The following KDM4C variants were observed in gnomAD, a reference collection of about 807,000 sequenced individuals.
KDM4C encodes the protein lysine-specific demethylase 4C.
A neutral mutation model predicts 129.3 loss-of-function variants in KDM4C; 81 were observed. The observed-to-expected ratio is 0.63, with a 90% CI of 0.52 to 0.75. KDM4C has a LOEUF of 0.75. KDM4C is among the 30% of genes least tolerant of loss of function. The pLI, the probability that KDM4C is intolerant of heterozygous loss-of-function variation, is 0.00. For missense variants in KDM4C, 1,457 were observed against 1,304.0 expected (o/e 1.12, Z -1.81); for synonymous variants, 573 against 456.1 (o/e 1.26, Z -3.26).
intron 7 of KDM4C, among the ~76,000 whole-genome samples, chr9:6,890,230 G>C (rs1367617829): frequency 6.6e-6 from 1 of 152,186 alleles, no homozygotes; most frequent in Non-Finnish European, 1.5e-5. Flanking sequence ...GTTCATTCCT[G>C]ATTCAGTCGC....
intron 4 of KDM4C, among the ~76,000 whole-genome samples, chr9:6,826,544 A>C (rs940218656): frequency 1.3e-5 from 2 of 152,124 alleles, no homozygotes; most frequent in African/African-American, 4.8e-5. Context: ...CCATGATGAT[A>C]GATGTTCTTC....
chr9:6,757,366 G>A (rs1212388594), upstream of KDM4C, among the ~76,000 whole-genome samples: 1 of 152,192 alleles, frequency 6.6e-6, no homozygotes, highest in African/African-American at 2.4e-5. Flanking sequence ...CTGGGTGTAG[G>A]TGACTCAACA....
At chr9:6,801,367 G>A (rs1176280777) in intron 2 of KDM4C, among the ~76,000 whole-genome samples, 1 of 147,832 alleles carries the variant, frequency 6.8e-6, no homozygotes, top group Admixed American at 7.0e-5. Context: ...CAGAGTAGCT[G>A]GGACTACAGG....
intron 17 of KDM4C, among the ~76,000 whole-genome samples, chr9:7,050,113 A>G (rs1437578908): frequency 6.6e-6 from 1 of 151,994 alleles, no homozygotes; most frequent in Non-Finnish European, 1.5e-5. Flanking sequence ...CTCTTATAGG[A>G]ACTCACAGTC....
chr9:6,865,128 C>G lies in KDM4C; in HGVS notation c.630-14884C>G, dbSNP rs1194668302. Among the ~76,000 whole-genome samples the G allele has an allele frequency of 2.6e-5, 4 of 151,232 alleles. No homozygotes were observed. The East Asian group carries it at 7.7e-4, about 29-fold the overall frequency. ...GGTTCAAGCAATTCTCCTGCTTCAGCCTCCCGAGTAGCTGGGACTGCAGGT... is the reference window on the plus strand; with the variant it reads ...GGTTCAAGCAATTCTCCTGCTTCAGGCTCCCGAGTAGCTGGGACTGCAGGT... On this transcript the variant is annotated intron_variant, in intron 5 of 21. Transcript: ENST00000381309.
At chr9:7,048,720 A>G (rs1829751882) in intron 16 of KDM4C, among the ~76,000 whole-genome samples, 1 of 152,144 alleles carries the variant, frequency 6.6e-6, no homozygotes, top group African/African-American at 2.4e-5. Flanking sequence ...TAATTGAACT[A>G]ATCTTTTGCC....
chr9:7,109,615 A>G (rs919265326), intron 18 of KDM4C, among the ~76,000 whole-genome samples: 6 of 152,206 alleles, frequency 3.9e-5, no homozygotes, highest in African/African-American at 1.4e-4. Context: ...CAGCTAATTT[A>G]TATCAGTGGG....
In KDM4C at chr9:7,052,838, C is replaced by T. The variant is rs973019790; in HGVS notation, c.2424+3638C>T. ...AACTACCACCTCCCTTCTCTAGTGC[C>T]TAACCAGAGCTCTGGCCACACCTGC... is the stretch of plus-strand genomic sequence containing the variant. On this transcript the variant is annotated intron_variant, in intron 17 of 21. Coordinates refer to ENST00000381309, the MANE Select transcript of KDM4C (RefSeq NM_015061.6). 9.3e-5 allele frequency among the ~76,000 whole-genome samples: 11 copies of T among 118,388 alleles called. 1 individual carries two copies. The highest frequency in any genetic ancestry group is 4.1e-4 in the African/African-American group (11 of 26,632). The allele number at this position is 118,388 out of a possible 152,430, so 77.7% of individuals were successfully genotyped here. A position where few individuals can be genotyped will look rare whatever the true frequency, so the allele number is the denominator to read the frequency against.
At position 6,792,634 on chromosome 9, in the gene KDM4C, G is replaced by C. The variant is rs1462906668; in HGVS notation, c.-17-338G>C. Among the ~76,000 whole-genome samples the C allele has an allele frequency of 3.3e-5, 5 of 152,090 alleles. No homozygotes were observed. The East Asian group carries it at 5.8e-4, about 18-fold the overall frequency. On this transcript the variant is annotated intron_variant, in intron 1 of 21. Coordinates refer to ENST00000381309, the MANE Select transcript of KDM4C (RefSeq NM_015061.6). ...GAACTCCTGACCTTGTGATCTGCCC[G>C]TCTTGGCCCCCCAAAGTGCTGAGAT... is the stretch of plus-strand genomic sequence containing the variant.
intron 1 of KDM4C, among the ~76,000 whole-genome samples, chr9:6,724,604 C>T (rs193232525): frequency 2.6e-3 from 400 of 152,228 alleles, no homozygotes; most frequent in African/African-American, 8.7e-3. Flanking sequence ...GATCTCGGCT[C>T]ACTGCAACCT....
At chr9:6,952,914 G>C (rs570944100) in intron 8 of KDM4C, among the ~76,000 whole-genome samples, 52 of 152,296 alleles carry the variant, frequency 3.4e-4, no homozygotes, top group Admixed American at 5.9e-4. Flanking sequence ...ACGGTTTGCA[G>C]TCGGGGGAGG....
At chr9:6,825,453 C>G (rs1435574266) in intron 4 of KDM4C, among the ~76,000 whole-genome samples, 2 of 152,134 alleles carry the variant, frequency 1.3e-5, no homozygotes, top group Non-Finnish European at 2.9e-5. Context: ...GGCAAGGTAA[C>G]TGTGTTCTAT....
At chr9:7,145,929 G>A (rs147042652) in intron 19 of KDM4C, among the ~76,000 whole-genome samples, 1,560 of 152,332 alleles carry the variant, frequency 0.01, 30 homozygotes, top group African/African-American at 0.035. Flanking sequence ...CTTGGACAGT[G>A]TCCCACTGAA....
intron 17 of KDM4C, among the ~76,000 whole-genome samples, chr9:7,092,206 C>G (rs747041897): frequency 6.6e-6 from 1 of 152,112 alleles, no homozygotes; most frequent in Non-Finnish European, 1.5e-5. Context: ...ACTTCTGTAT[C>G]CATTATTCCA....
intron 8 of KDM4C, among the ~76,000 whole-genome samples, chr9:6,957,810 T>C (rs537978155): frequency 1.3e-5 from 2 of 152,342 alleles, no homozygotes; most frequent in East Asian, 3.9e-4. Flanking sequence ...GCCCTCTTGC[T>C]TCTTGGCTAG....
intron 1 of KDM4C, among the ~76,000 whole-genome samples, chr9:6,724,776 A>G (rs1300477011): frequency 2.0e-5 from 3 of 152,086 alleles, no homozygotes; most frequent in Non-Finnish European, 2.9e-5. Context: ...TGATCTGCCC[A>G]CCTCGGCCTC....
intron 6 of KDM4C, among the ~76,000 whole-genome samples, chr9:6,881,577 T>G (rs1336261749): frequency 6.6e-6 from 1 of 152,214 alleles, no homozygotes; most frequent in Admixed American, 6.5e-5. Flanking sequence ...GATGTAAACC[T>G]TACAATATTG....
chr9:7,109,079 T>C (rs915991547), intron 18 of KDM4C, among the ~76,000 whole-genome samples: 22 of 152,278 alleles, frequency 1.4e-4, no homozygotes, highest in Non-Finnish European at 1.5e-5. Flanking sequence ...ATTTGGTAAA[T>C]AGGGTAGAAG....
intron 8 of KDM4C, among the ~76,000 whole-genome samples, chr9:6,965,856 A>G (rs1348555156): frequency 6.6e-6 from 1 of 152,198 alleles, no homozygotes; most frequent in Admixed American, 6.5e-5. Context: ...CCTTACAGAA[A>G]CACTCAGAAT....
Sources: allele counts gnomAD v4.1 joint callset (sites outside exome capture counted in the v4.1 genomes callset), GRCh38; gene constraint gnomAD v4.1.1; transcripts MANE v1.5; gene names NCBI Gene and HGNC (gene_info 2026-07-23, HGNC 2026-07-21).